SERPINB13: variants seen among roughly 807,000 people sequenced by gnomAD.
The protein encoded by SERPINB13 is serpin family B member 13.
In SERPINB13, 26 loss-of-function variants were observed where a neutral mutation model predicts 31.2. The ratio of observed to expected loss-of-function variants is 0.83; its 90% CI spans 0.61 to 1.15. SERPINB13 has a LOEUF of 1.15. Ranked by LOEUF, SERPINB13 falls within the 50% of genes most tolerant of loss-of-function variation. The pLI, the probability that SERPINB13 is intolerant of heterozygous loss-of-function variation, is 0.00. For missense variants in SERPINB13, 510 were observed against 469.4 expected (o/e 1.09, Z -0.80); for synonymous variants, 191 against 172.4 (o/e 1.11, Z -0.85).
intron 5 of SERPINB13, among the ~76,000 whole-genome samples, chr18:63,593,617 C>T (rs1911984552): frequency 6.6e-6 from 1 of 152,140 alleles, no homozygotes; most frequent in African/African-American, 2.4e-5. Context: ...TGGAAATTCA[C>T]CTTGGGGAGC....
chr18:63,591,813 A>G (rs968200063), intron 3 of SERPINB13, among the ~76,000 whole-genome samples: 3 of 152,090 alleles, frequency 2.0e-5, no homozygotes, highest in African/African-American at 7.2e-5. Flanking sequence ...GAAAACTTCA[A>G]TCAGAAAACT....
chr18:63,593,145 A>T (rs1911957026), intron 5 of SERPINB13, among the ~76,000 whole-genome samples, 174 bp downstream of exon 5: 1 of 152,202 alleles, frequency 6.6e-6, no homozygotes, highest in African/African-American at 2.4e-5. Context: ...CAGGGTTGGA[A>T]GGGCAAGCCC....
intron 6 of SERPINB13, 119 bp from the exon 7 acceptor site, chr18:63,594,910 G>A: frequency 1.1e-6 from 1 of 930,446 alleles, no homozygotes; most frequent in Non-Finnish European, 1.6e-6. Context: ...CTCATTCTGA[G>A]ACTCTGATAT....
chr18:63,592,405 A>C lies in SERPINB13; in HGVS notation c.283A>C (p.Lys95Gln). Residue 95 changes from lysine to glutamine, a missense_variant, in exon 4 of 8, where the codon AAA becomes CAA. By Grantham distance (53) the Lys-to-Gln change is moderately conservative (BLOSUM62 1). Transcript: ENST00000344731. ...CCAAAAGTTTTTGACTGAAATAAGC[A>C]AACTCACTAATGATTATGAACTGAA... ...QFQKFLTEIS[K>Q]LTNDYELNIT... 1.9e-6 allele frequency: 3 copies of C among 1,613,520 alleles called. No individual in the cohort carries two copies. Among genetic ancestry groups the C allele is most frequent in the Non-Finnish European group, 2.5e-6 (3 of 1,179,678 alleles).
chr18:63,593,348 T>A (rs2144401780), intron 5 of SERPINB13, among the ~76,000 whole-genome samples: 1 of 152,322 alleles, frequency 6.6e-6, no homozygotes, highest in East Asian at 1.9e-4. Flanking sequence ...GTCTTGGGTT[T>A]ACATTCTTTC....
Position 63,592,991 on chromosome 18 carries a change from T to C in SERPINB13, c.472+20T>C. The C allele has an allele frequency of 2.1e-6, 3 of 1,434,802 alleles. No individual in the cohort carries two copies. The highest frequency in any genetic ancestry group is 1.4e-5 in the African/African-American group (1 of 69,510). 88.9% of individuals were successfully genotyped at this position (1,434,802 alleles called of 1,614,324 possible). On this transcript the variant is annotated intron_variant, in intron 5 of 7. Coordinates refer to ENST00000344731, the MANE Select transcript of SERPINB13 (RefSeq NM_012397.4). ...CAAATGGTAGAGTATGGGTGGGTCA[T>C]TCATTGCAAAAAAACAAAAACAAAG...
chr18:63,589,908 C>A, intron 3 of SERPINB13, 193 bp downstream of exon 3: 1 of 1,140,910 alleles, frequency 8.8e-7, no homozygotes, highest in Non-Finnish European at 1.2e-6. Context: ...TAATAATAAC[C>A]CCTTAATATT....
At chr18:63,591,408 TTTCCTTCC>T (rs796398994) in intron 3 of SERPINB13, among the ~76,000 whole-genome samples, 15 of 118,778 alleles carry the variant, frequency 1.3e-4, no homozygotes, top group African/African-American at 2.1e-4. Flanking sequence ...TCCTTTTTTC[TTTCCTTCC>T]TTCCTTCCTT....
chr18:63,594,062 G>T (rs1912008872), intron 5 of SERPINB13: 1 of 891,786 alleles, frequency 1.1e-6, no homozygotes. Context: ...TAAATAACTT[G>T]CCCAAGATTC....
intron 2 of SERPINB13, among the ~76,000 whole-genome samples, chr18:63,589,143 G>T (rs1911692865): frequency 6.6e-6 from 1 of 152,062 alleles, no homozygotes; most frequent in South Asian, 2.1e-4. Flanking sequence ...CATCCAAGAT[G>T]AACACAGGAA....
intron 2 of SERPINB13, among the ~76,000 whole-genome samples, chr18:63,589,136 C>T (rs1252243538): frequency 2.6e-5 from 4 of 151,998 alleles, no homozygotes; most frequent in Non-Finnish European, 5.9e-5. Flanking sequence ...AATGACACAT[C>T]CAAGATGAAC....
intron 2 of SERPINB13, among the ~76,000 whole-genome samples, chr18:63,589,380 C>T (rs923783934): frequency 1.4e-4 from 21 of 151,804 alleles, no homozygotes; most frequent in African/African-American, 4.6e-4. Flanking sequence ...CGCTTGAATC[C>T]AGGAACAGAG....
At chr18:63,593,927 C>T (rs1912001982) in intron 5 of SERPINB13, 1 of 462,372 alleles carries the variant, frequency 2.2e-6, no homozygotes, top group Admixed American at 2.4e-5. Flanking sequence ...ACACAGAGTG[C>T]TTATTATGTG....
intron 3 of SERPINB13, chr18:63,590,043 TG>T (rs1029730727): frequency 1.6e-4 from 40 of 245,878 alleles, no homozygotes; most frequent in African/African-American, 8.5e-4. Flanking sequence ...GTCCAAGTCC[TG>T]GCTCAGTCAC....
chr18:63,591,323 C>A (rs1356460502), intron 3 of SERPINB13, among the ~76,000 whole-genome samples: 1 of 152,134 alleles, frequency 6.6e-6, no homozygotes, highest in Non-Finnish European at 1.5e-5. Flanking sequence ...CTATTTGATT[C>A]ATTTTTATAG....
Position 63,597,433 on chromosome 18 carries a change from A to G in SERPINB13, c.*70A>G, listed in dbSNP as rs1157062393. ...ACCAGTGTTACTCATATGATTATGA[A>G]AATCGTCCATTCTTTTAAATGTTGT... On this transcript the variant is annotated 3_prime_UTR_variant, in exon 8 of 8. Transcript: ENST00000344731. 1.4e-6 allele frequency: 2 copies of G among 1,467,610 alleles called. No individual in the cohort carries two copies. The highest frequency in any genetic ancestry group is 1.8e-6 in the Non-Finnish European group (2 of 1,092,436). The allele number at this position is 1,467,610 out of a possible 1,614,324, so 90.9% of individuals were successfully genotyped here.
intron 4 of SERPINB13, 108 bp from the exon 5 acceptor site, chr18:63,592,746 C>A: frequency 1.3e-6 from 1 of 790,726 alleles, no homozygotes; most frequent in Non-Finnish European, 2.0e-6. Flanking sequence ...TAAAATTTCT[C>A]TTACTGTATT....
intron 6 of SERPINB13, 70 bp from the exon 7 acceptor site, chr18:63,594,959 C>G: frequency 7.1e-7 from 1 of 1,408,674 alleles, no homozygotes; most frequent in Non-Finnish European, 9.6e-7. Context: ...TTTTGATGAA[C>G]TAACTTGGTT....
rs1457807249 is a variant in SERPINB13, at chr18:63,587,364, A to T, written c.-104A>T. The T allele has an allele frequency of 2.1e-6, 1 of 467,616 alleles. No individual in the cohort carries two copies. The highest frequency in any genetic ancestry group is 4.4e-6 in the Non-Finnish European group (1 of 225,970). 29.0% of individuals were successfully genotyped at this position (467,616 alleles called of 1,614,324 possible). On this transcript the variant is annotated 5_prime_UTR_variant, in exon 1 of 8. Coordinates refer to ENST00000344731, the MANE Select transcript of SERPINB13 (RefSeq NM_012397.4). ...AACCACTGCTGAAGCAGATGTGGAGAACTATAAATTAAGGATCCCAGCTAC... is the reference window on the plus strand; with the variant it reads ...AACCACTGCTGAAGCAGATGTGGAGTACTATAAATTAAGGATCCCAGCTAC...
Sources: gnomAD v4.1 joint callset for allele counts (sites outside exome capture counted in the v4.1 genomes callset) on GRCh38, gnomAD v4.1.1 for gene constraint, MANE v1.5 for transcripts, NCBI Gene and HGNC (gene_info 2026-07-23, HGNC 2026-07-21) for gene names.